The following YAP1 variants were observed in gnomAD, a reference collection of about 807,000 sequenced individuals.
YAP1 encodes the protein transcriptional coactivator YAP1.
In YAP1, 5 loss-of-function variants were observed where a neutral mutation model predicts 56.9. That is an observed-to-expected ratio of 0.09 (90% CI 0.05 to 0.18). The LOEUF (loss-of-function observed/expected upper bound fraction) is 0.18. YAP1 is among the 10% of genes least tolerant of loss of function. The pLI is 1.00. For synonymous variants in YAP1, 265 were observed against 248.1 expected, an observed-to-expected ratio of 1.07 and a Z score of -0.64; for missense variants, 539 against 651.8, an observed-to-expected ratio of 0.83 and a Z score of 1.88.
intron 6 of YAP1, 30 bp downstream of exon 6, chr11:102,209,594 GAA>G (rs35731181): frequency 0.059 from 74,811 of 1,273,966 alleles, 88 homozygotes; most frequent in East Asian, 0.077. Flanking sequence ...TTTAGCACTG[GAA>G]AAAAAAAAAA....
intron 2 of YAP1, among the ~76,000 whole-genome samples, chr11:102,134,443 C>G (rs1241001902): frequency 6.7e-6 from 1 of 148,926 alleles, no homozygotes; most frequent in African/African-American, 2.5e-5. Context: ...TCCTAATATG[C>G]TATGTTATGG....
Position 102,181,433 on chromosome 11 carries a change from G to A in YAP1, c.689-4585G>A, listed in dbSNP as rs980169480. Reference sequence around the variant, plus strand: ...TGCACTCCAGCCTGGGTGGCAGAGCGAGACTCCGTCTCAAAAATAAATAAA... The same window carrying A: ...TGCACTCCAGCCTGGGTGGCAGAGCAAGACTCCGTCTCAAAAATAAATAAA... On this transcript the variant is annotated intron_variant, in intron 3 of 8. Coordinates refer to ENST00000282441, the MANE Select transcript of YAP1 (RefSeq NM_001130145.3). Among the ~76,000 whole-genome samples, 13 of 152,128 alleles carry A rather than the reference G, an allele frequency of 8.5e-5. No individual in the cohort carries two copies. In the South Asian group the frequency reaches 1.2e-3, roughly 15 times the overall value.
rs540619769 is a variant in YAP1 at position 102,159,348 on chromosome 11, T to C, written c.573-3108T>C. Reference sequence around the variant, plus strand: ...CCAGGCTTCTGGTTAATTCTTTCCCTAAGCTGATAGCTCTCTGCAGGTTGA... The same window carrying C: ...CCAGGCTTCTGGTTAATTCTTTCCCCAAGCTGATAGCTCTCTGCAGGTTGA... On this transcript the variant is annotated intron_variant, in intron 2 of 8. Coordinates refer to ENST00000282441, the MANE Select transcript of YAP1 (RefSeq NM_001130145.3). Among the ~76,000 whole-genome samples the C allele has an allele frequency of 3.3e-5, 5 of 152,332 alleles. No homozygotes were observed. The South Asian group carries it at 1.0e-3, about 32-fold the overall frequency.
intron 2 of YAP1, among the ~76,000 whole-genome samples, chr11:102,158,365 C>T (rs905276499): frequency 1.3e-5 from 2 of 152,118 alleles, no homozygotes; most frequent in African/African-American, 2.4e-5. Context: ...AAATATTTAC[C>T]CTCCAGGCAT....
chr11:102,152,869 A>G (rs1191861167), intron 2 of YAP1, among the ~76,000 whole-genome samples: 1 of 152,218 alleles, frequency 6.6e-6, no homozygotes, highest in Non-Finnish European at 1.5e-5. Context: ...TCAAAAATGC[A>G]GGAGAGGACC....
At chr11:102,118,810 G>A (rs1411366813) in intron 2 of YAP1, among the ~76,000 whole-genome samples, 1 of 149,916 alleles carries the variant, frequency 6.7e-6, no homozygotes, top group African/African-American at 2.4e-5. Context: ...CAGTGTACCT[G>A]GTATTTATAC....
At chr11:102,213,811 C>T (rs983794177) in intron 6 of YAP1, among the ~76,000 whole-genome samples, 1 of 152,230 alleles carries the variant, frequency 6.6e-6, no homozygotes, top group East Asian at 1.9e-4. Context: ...GGCACAGTGG[C>T]TCACGCCTGT....
Position 102,111,189 on chromosome 11 carries a change from C to T in YAP1, c.321+20C>T. 1 of 1,610,734 alleles carries T rather than the reference C, an allele frequency of 6.2e-7. No individual in the cohort carries two copies. The highest frequency in any genetic ancestry group is 8.5e-7 in the Non-Finnish European group (1 of 1,178,888). On this transcript the variant is annotated intron_variant, in intron 1 of 8. Transcript: ENST00000282441. ...CGACAGGTAACCTCGTTGCCCCTCT[C>T]CCCGTTTCCCCGTCGGGCGGGCCTC... is the stretch of plus-strand genomic sequence containing the variant.
rs981592318 is a variant in YAP1, at chr11:102,110,723, G to A, written c.-126G>A. ...GCGGCGCAGCCCCCCGGCCCTGAGAGCGAGGACAGCGCCGCCCGGCCCGCA... is the reference window on the plus strand; with the variant it reads ...GCGGCGCAGCCCCCCGGCCCTGAGAACGAGGACAGCGCCGCCCGGCCCGCA... On this transcript the variant is annotated 5_prime_UTR_variant, in exon 1 of 9. Coordinates refer to ENST00000282441, the MANE Select transcript of YAP1 (RefSeq NM_001130145.3). 16 of 874,268 alleles carry A rather than the reference G, an allele frequency of 1.8e-5. No individual in the cohort carries two copies. Among genetic ancestry groups the A allele is most frequent in the African/African-American group, 3.6e-5 (2 of 55,916 alleles). The allele number at this position is 874,268 out of a possible 1,614,324, so 54.2% of individuals were successfully genotyped here.
chr11:102,180,993 T>TA (rs1350261685), intron 3 of YAP1, among the ~76,000 whole-genome samples: 1 of 151,348 alleles, frequency 6.6e-6, no homozygotes, highest in African/African-American at 2.4e-5. Flanking sequence ...CAGAAAAATT[T>TA]AAAAAATAGC....
At chr11:102,193,319 T>A (rs1948394820) in intron 4 of YAP1, among the ~76,000 whole-genome samples, 1 of 152,034 alleles carries the variant, frequency 6.6e-6, no homozygotes, top group Non-Finnish European at 1.5e-5. Context: ...AGCTCTGCAG[T>A]TTTTAAAATT....
intron 2 of YAP1, among the ~76,000 whole-genome samples, chr11:102,119,275 G>C (rs1236345067): frequency 6.6e-6 from 1 of 152,024 alleles, no homozygotes. Context: ...TTGGAAGATA[G>C]TAGATGTGAC....
At chr11:102,150,758 T>A (rs1274881870) in intron 2 of YAP1, among the ~76,000 whole-genome samples, 1 of 151,908 alleles carries the variant, frequency 6.6e-6, no homozygotes, top group African/African-American at 2.4e-5. Flanking sequence ...CAAAAAATTT[T>A]TACACATGCA....
chr11:102,111,579 A>G (rs1418225727), intron 1 of YAP1, among the ~76,000 whole-genome samples: 1 of 135,350 alleles, frequency 7.4e-6, no homozygotes, highest in South Asian at 2.4e-4. Context: ...CGCGCTCCGC[A>G]CCTTCGCTCC....
In YAP1 at chr11:102,114,229, C is replaced by A. The variant is rs767434954; in HGVS notation, c.407C>A (p.Ala136Asp). Reference sequence around the variant, plus strand: ...TCTCCAGCTTCTCTGCAGTTGGGAGCTGTTTCTCCTGGGACACTGACCCCC... The same window carrying A: ...TCTCCAGCTTCTCTGCAGTTGGGAGATGTTTCTCCTGGGACACTGACCCCC... ...HSSPASLQLGAVSPGTLTPTG... is the reference protein window; with the variant it reads ...HSSPASLQLGDVSPGTLTPTG... The change falls in exon 2 of 9, where the codon GCT becomes GAT. Residue 136 changes from alanine to aspartate, a missense_variant. Physicochemically the swap from Ala to Asp is moderately radical, Grantham distance 126 (BLOSUM62 -2). Transcript: ENST00000282441. The A allele has an allele frequency of 6.2e-7, 1 of 1,614,114 alleles. No individual in the cohort carries two copies. The highest frequency in any genetic ancestry group is 2.2e-5 in the East Asian group (1 of 44,884).
At position 102,195,025 on chromosome 11, in the gene YAP1, T is replaced by C. The variant is rs114089666; in HGVS notation, c.802+8894T>C. 2.7e-3 allele frequency among the ~76,000 whole-genome samples: 411 copies of C among 152,260 alleles called. 1 individual carries two copies. Among genetic ancestry groups the C allele is most frequent in the African/African-American group, 9.4e-3 (392 of 41,538 alleles). On this transcript the variant is annotated intron_variant, in intron 4 of 8. Transcript: ENST00000282441. ...CTCCTGCCTCAGCCTCCCAAGTAGC[T>C]GGTATTACAGGTGCAAATCACCATG...
chr11:102,223,016 C>T (rs1305646902), intron 6 of YAP1, among the ~76,000 whole-genome samples: 2 of 151,578 alleles, frequency 1.3e-5, no homozygotes, highest in East Asian at 1.9e-4. Flanking sequence ...GGGGCCAAGG[C>T]GGGTGGATCA....
intron 3 of YAP1, among the ~76,000 whole-genome samples, chr11:102,184,656 G>C (rs1947851480): frequency 6.6e-6 from 1 of 152,192 alleles, no homozygotes; most frequent in Non-Finnish European, 1.5e-5. Flanking sequence ...GGTCCCATGG[G>C]CCTTGTGTGA....
chr11:102,216,442 AT>A (rs1949672495), intron 6 of YAP1, among the ~76,000 whole-genome samples: 1 of 152,230 alleles, frequency 6.6e-6, no homozygotes, highest in African/African-American at 2.4e-5. Context: ...ACATTTAAAA[AT>A]AAGCCTGTAT....
Sources: gnomAD v4.1 joint callset for allele counts (sites outside exome capture counted in the v4.1 genomes callset) on GRCh38, gnomAD v4.1.1 for gene constraint, MANE v1.5 for transcripts, NCBI Gene and HGNC (gene_info 2026-07-23, HGNC 2026-07-21) for gene names.